LRP1B: variants seen among roughly 807,000 people sequenced by gnomAD.
LRP1B encodes the protein LDL receptor related protein 1B.
LRP1B carries 217 observed loss-of-function variants against 556.6 expected under a neutral mutation model. That is an observed-to-expected ratio of 0.39 (90% CI 0.35 to 0.44). LRP1B has a LOEUF of 0.44. LRP1B is among the 20% of genes least tolerant of loss of function. The probability of loss-of-function intolerance (pLI) is 1.00; values close to 1 mark genes in which losing one functional copy is unlikely to be tolerated. For synonymous variants in LRP1B, 2,047 were observed against 1,865.8 expected (o/e 1.10, Z -2.50); for missense variants, 5,053 against 5,620.8 (o/e 0.90, Z 3.23).
intron 1 of LRP1B, among the ~76,000 whole-genome samples, chr2:141,854,161 C>A (rs1187927768): frequency 2.0e-5 from 3 of 151,956 alleles, no homozygotes; most frequent in Non-Finnish European, 2.9e-5. Flanking sequence ...TTCCAAATAT[C>A]AATCATGACT....
At chr2:141,319,288 TA>T (rs1264409014) in intron 3 of LRP1B, among the ~76,000 whole-genome samples, 1 of 148,482 alleles carries the variant, frequency 6.7e-6, no homozygotes, top group Non-Finnish European at 1.5e-5. Context: ...ATGTAGTCTC[TA>T]AAAAGCAGTG....
chr2:141,322,718 C>T (rs897783176), intron 3 of LRP1B, among the ~76,000 whole-genome samples: 1 of 151,998 alleles, frequency 6.6e-6, no homozygotes, highest in Admixed American at 6.6e-5. Flanking sequence ...TTTACAACCT[C>T]CCCTACATAT....
intron 7 of LRP1B, among the ~76,000 whole-genome samples, chr2:141,149,504 A>C (rs1379685494): frequency 6.6e-6 from 1 of 152,156 alleles, no homozygotes; most frequent in East Asian, 1.9e-4. Context: ...GGGACATCTT[A>C]TAGCATAAAC....
intron 1 of LRP1B, among the ~76,000 whole-genome samples, chr2:141,964,503 C>T (rs1029619713): frequency 2.6e-5 from 4 of 151,290 alleles, no homozygotes; most frequent in African/African-American, 9.7e-5. Context: ...GAAAGGATTC[C>T]CTATTTAATA....
rs537845347 is a variant in LRP1B at position 141,853,548 on chromosome 2, C to G, written c.83-43147G>C. On this transcript the variant is annotated intron_variant, in intron 1 of 90. Transcript: ENST00000389484. The stretch of plus-strand genomic sequence containing the variant: ...ATGTTGTCTCGGTATTGTTATGAAG[C>G]AAAACAAAAACTCTTTAAAGCTAAA... 2.0e-5 allele frequency among the ~76,000 whole-genome samples: 3 copies of G among 151,422 alleles called. No individual in the cohort carries two copies. In the East Asian group the frequency reaches 5.8e-4, roughly 29 times the overall value.
At chr2:140,901,838 T>A (rs1353203882) in intron 23 of LRP1B, among the ~76,000 whole-genome samples, 2 of 152,174 alleles carry the variant, frequency 1.3e-5, no homozygotes, top group Non-Finnish European at 2.9e-5. Flanking sequence ...ATTCCTATTC[T>A]AATTCCTTTT....
chr2:142,060,993 G>A (rs1704884759), intron 1 of LRP1B, among the ~76,000 whole-genome samples: 1 of 151,908 alleles, frequency 6.6e-6, no homozygotes, highest in South Asian at 2.1e-4. Flanking sequence ...AGTGAAGTTA[G>A]AACTTGAGAT....
chr2:141,260,361 G>T (rs187773821), intron 3 of LRP1B, among the ~76,000 whole-genome samples: 1 of 152,076 alleles, frequency 6.6e-6, no homozygotes, highest in African/African-American at 2.4e-5. Flanking sequence ...GGGCTGTTTT[G>T]CTTTGTAACA....
chr2:140,693,857 G>A (rs917383390), intron 41 of LRP1B, among the ~76,000 whole-genome samples: 6 of 152,040 alleles, frequency 3.9e-5, no homozygotes, highest in African/African-American at 1.4e-4. Context: ...GCAGGCATAC[G>A]ACAACATGCC....
intron 31 of LRP1B, among the ~76,000 whole-genome samples, chr2:140,835,482 T>C (rs1455524151): frequency 6.6e-6 from 1 of 152,176 alleles, no homozygotes; most frequent in African/African-American, 2.4e-5. Context: ...CAAGTCACTA[T>C]TCCTTTCTAT....
chr2:142,108,921 T>A (rs1221346929), intron 1 of LRP1B, among the ~76,000 whole-genome samples: 1 of 152,150 alleles, frequency 6.6e-6, no homozygotes, highest in Non-Finnish European at 1.5e-5. Context: ...TAAAATTTGC[T>A]CTGTAGAATT....
intron 2 of LRP1B, among the ~76,000 whole-genome samples, chr2:141,542,756 T>C (rs1324443588): frequency 6.6e-6 from 1 of 152,164 alleles, no homozygotes; most frequent in Non-Finnish European, 1.5e-5. Flanking sequence ...ATTTTTAAGG[T>C]AGGCAAGTGT....
At chr2:142,023,394 T>C (rs545481980) in intron 1 of LRP1B, among the ~76,000 whole-genome samples, 1 of 152,168 alleles carries the variant, frequency 6.6e-6, no homozygotes, top group South Asian at 2.1e-4. Flanking sequence ...ATTTGGAGGG[T>C]TCAAGTTCAT....
intron 2 of LRP1B, among the ~76,000 whole-genome samples, chr2:141,799,107 C>T (rs901342680): frequency 2.0e-5 from 3 of 152,004 alleles, no homozygotes; most frequent in African/African-American, 7.2e-5. Flanking sequence ...GTAAGCCACC[C>T]AGTGTGTGGT....
At chr2:141,569,897 T>TC in intron 2 of LRP1B, among the ~76,000 whole-genome samples, 1 of 151,350 alleles carries the variant, frequency 6.6e-6, no homozygotes, top group East Asian at 1.9e-4. Context: ...ATTTAATTTT[T>TC]CACATATGTC....
chr2:141,397,569 T>G (rs1186904256), intron 3 of LRP1B, among the ~76,000 whole-genome samples: 1 of 151,928 alleles, frequency 6.6e-6, no homozygotes, highest in South Asian at 2.1e-4. Flanking sequence ...ATAGGACAAT[T>G]TGAGATAAAA....
At chr2:141,210,526 CTT>C (rs1366503517) in intron 6 of LRP1B, among the ~76,000 whole-genome samples, 2 of 151,966 alleles carry the variant, frequency 1.3e-5, no homozygotes, top group African/African-American at 4.8e-5. Flanking sequence ...TATTTCATGA[CTT>C]ATGATAAAAA....
intron 3 of LRP1B, among the ~76,000 whole-genome samples, chr2:141,342,167 T>G (rs1321572249): frequency 6.7e-6 from 1 of 149,822 alleles, no homozygotes; most frequent in East Asian, 2.0e-4. Context: ...TGGCGTGAAC[T>G]TGGGAGGTGG....
chr2:141,931,088 ATG>A (rs941682714), intron 1 of LRP1B, among the ~76,000 whole-genome samples: 2 of 152,034 alleles, frequency 1.3e-5, no homozygotes, highest in African/African-American at 4.8e-5. Flanking sequence ...AGGAAATATT[ATG>A]TGTTAGAATA....
Sources: gnomAD v4.1 joint callset for allele counts (sites outside exome capture counted in the v4.1 genomes callset) on GRCh38, gnomAD v4.1.1 for gene constraint, MANE v1.5 for transcripts, NCBI Gene and HGNC (gene_info 2026-07-23, HGNC 2026-07-21) for gene names.